TACC2: variants seen among roughly 807,000 people sequenced by gnomAD.
TACC2 encodes the protein transforming acidic coiled-coil containing protein 2.
A neutral mutation model predicts 227.3 loss-of-function variants in TACC2; 137 were observed. That is an observed-to-expected ratio of 0.60 (90% confidence interval 0.52 to 0.69). TACC2 has a LOEUF of 0.69. Ranked by LOEUF, TACC2 falls within the 30% of genes least tolerant of loss-of-function variation. The probability of loss-of-function intolerance (pLI) is 0.00; values close to 1 mark genes in which losing one functional copy is unlikely to be tolerated. For missense variants in TACC2, 3,470 were observed against 3,694.4 expected (o/e 0.94, Z 1.57); for synonymous variants, 1,523 against 1,487.5 (o/e 1.02, Z -0.55).
At chr10:122,100,893 G>C (rs1357711172) in intron 5 of TACC2, among the ~76,000 whole-genome samples, 1 of 152,144 alleles carries the variant, frequency 6.6e-6, no homozygotes, top group Non-Finnish European at 1.5e-5. Flanking sequence ...CCCTCTGCCT[G>C]CCTTGCCCCT....
chr10:122,178,151 C>T (rs550416101), intron 7 of TACC2, among the ~76,000 whole-genome samples: 1 of 152,064 alleles, frequency 6.6e-6, no homozygotes, highest in East Asian at 1.9e-4. Context: ...CTTTCTGGCT[C>T]ATAGCACCTT....
chr10:122,241,742 A>T, intron 18 of TACC2: 3 of 585,004 alleles, frequency 5.1e-6, no homozygotes, highest in South Asian at 2.1e-5. Flanking sequence ...TTTTTTTCTT[A>T]GTGGGCAGTG....
At chr10:121,992,896 A>G (rs149142814) in intron 1 of TACC2, among the ~76,000 whole-genome samples, 3,466 of 151,982 alleles carry the variant, frequency 0.023, 72 homozygotes, top group Non-Finnish European at 0.033. Context: ...CAGAGGTTGC[A>G]GTGAGCCAAG....
intron 5 of TACC2, among the ~76,000 whole-genome samples, chr10:122,093,656 G>T (rs1280249260): frequency 6.6e-6 from 1 of 152,112 alleles, no homozygotes; most frequent in African/African-American, 2.4e-5. Flanking sequence ...CCTCTTATTG[G>T]CTTCGTTACC....
chr10:122,126,316 C>CTCTGTGTGTG (rs139974922), intron 5 of TACC2, among the ~76,000 whole-genome samples: 2 of 142,018 alleles, frequency 1.4e-5, no homozygotes, highest in African/African-American at 5.0e-5. Context: ...TAATCCAGAA[C>CTCTGTGTGTG]TGTGTGTGTG....
chr10:122,192,929 ATTC>A (rs1356513368), intron 7 of TACC2: 104 of 363,390 alleles, frequency 2.9e-4, no homozygotes, highest in Admixed American at 2.7e-3. Context: ...CTGAACTCTC[ATTC>A]TTCTTTGCTC....
At chr10:121,992,867 AT>A in intron 1 of TACC2, among the ~76,000 whole-genome samples, 1 of 152,114 alleles carries the variant, frequency 6.6e-6, no homozygotes, top group South Asian at 2.1e-4. Flanking sequence ...AGGCAGGAGA[AT>A]TGCTAGAACC....
chr10:122,164,870 G>A (rs959834821), intron 7 of TACC2, among the ~76,000 whole-genome samples: 12 of 152,138 alleles, frequency 7.9e-5, no homozygotes, highest in Non-Finnish European at 1.6e-4. Flanking sequence ...GTAGTAAAGT[G>A]GGTTCTTAAG....
At chr10:122,157,932 A>AT (rs893056559) in intron 7 of TACC2, among the ~76,000 whole-genome samples, 26 of 150,596 alleles carry the variant, frequency 1.7e-4, no homozygotes, top group Admixed American at 6.6e-4. Flanking sequence ...TGTGTTACTG[A>AT]TTTTTTTTTT....
At chr10:122,178,131 C>T (rs567150142) in intron 7 of TACC2, among the ~76,000 whole-genome samples, 14 of 151,968 alleles carry the variant, frequency 9.2e-5, no homozygotes, top group South Asian at 2.1e-4. Flanking sequence ...TGGCTTATGG[C>T]GAAAGCCTGC....
rs76756104 is a variant in TACC2, at chr10:122,205,117, G to A, written c.5972-5280G>A. Reference sequence around the variant, plus strand: ...TCTTCATCACTAAGTGAGTTAGCACGGTCAGTAACTGTCCCCACAGTGCCT... The same window carrying A: ...TCTTCATCACTAAGTGAGTTAGCACAGTCAGTAACTGTCCCCACAGTGCCT... On this transcript the variant is annotated intron_variant, in intron 8 of 22. Coordinates refer to ENST00000369005, the MANE Select transcript of TACC2 (RefSeq NM_206862.4). The surrounding 1 kb of genome is among the most constrained non-coding windows in gnomAD (Gnocchi z 4.5). Among the ~76,000 whole-genome samples, 9,282 of 152,266 alleles carry A rather than the reference G, an allele frequency of 0.061. 827 individuals carry two copies. Among genetic ancestry groups the A allele is most frequent in the African/African-American group, 0.19 (8,051 of 41,516 alleles).
chr10:122,103,488 G>A lies in TACC2; in HGVS notation c.5573+14897G>A, dbSNP rs534059852. On this transcript the variant is annotated intron_variant, in intron 5 of 22. Transcript: ENST00000369005. ...TTTGTGACCAGTGCTCACAAATGGT[G>A]CATAATATTATTGTGGTTATTTTAG... 4.6e-5 allele frequency among the ~76,000 whole-genome samples: 7 copies of A among 152,342 alleles called. No individual in the cohort carries two copies. In the South Asian group the frequency reaches 8.3e-4, roughly 18 times the overall value.
intron 8 of TACC2, among the ~76,000 whole-genome samples, chr10:122,202,548 CT>C (rs1269607735): frequency 6.8e-6 from 1 of 147,524 alleles, no homozygotes; most frequent in African/African-American, 2.5e-5. Context: ...CCTAAAATCC[CT>C]GTCTTCCTCT....
intron 22 of TACC2, 77 bp downstream of exon 22, chr10:122,249,741 G>A (rs1326249573): frequency 4.6e-6 from 7 of 1,509,802 alleles, no homozygotes; most frequent in Non-Finnish European, 6.3e-6. Flanking sequence ...AGCTAGACAG[G>A]CTGGGCTTCC....
intron 19 of TACC2, chr10:122,245,103 C>T (rs1011533824): frequency 6.6e-5 from 10 of 152,362 alleles, no homozygotes; most frequent in Middle Eastern, 3.4e-3. Context: ...CCTAATTTGA[C>T]ACCTGCCCAT....
chr10:122,173,413 C>T (rs1243156704), intron 7 of TACC2, among the ~76,000 whole-genome samples: 1 of 152,234 alleles, frequency 6.6e-6, no homozygotes, highest in Non-Finnish European at 1.5e-5. Flanking sequence ...TGGGCTTTGG[C>T]TTGGCCCACG....
intron 7 of TACC2, among the ~76,000 whole-genome samples, chr10:122,187,404 C>T (rs1337319353): frequency 6.6e-6 from 1 of 152,222 alleles, no homozygotes; most frequent in Admixed American, 6.5e-5. Context: ...GGTCTCTTTC[C>T]TGTCCAGCTC....
chr10:122,240,668 G>A lies in TACC2; in HGVS notation c.8349-1290G>A, dbSNP rs923501664. Among the ~76,000 whole-genome samples, 3 of 152,188 alleles carry A rather than the reference G, an allele frequency of 2.0e-5. No individual in the cohort carries two copies. In the East Asian group the frequency reaches 5.8e-4, roughly 29 times the overall value. ...ATCCCAGGCCTCCTGACCGGGGTGGGGGTCTCTATGGTTTTCTGTCATTAG... is the reference window on the plus strand; with the variant it reads ...ATCCCAGGCCTCCTGACCGGGGTGGAGGTCTCTATGGTTTTCTGTCATTAG... On this transcript the variant is annotated intron_variant, in intron 18 of 22. Coordinates refer to ENST00000369005, the MANE Select transcript of TACC2 (RefSeq NM_206862.4).
intron 22 of TACC2, among the ~76,000 whole-genome samples, chr10:122,252,332 C>A (rs765952745): frequency 6.6e-6 from 1 of 152,244 alleles, no homozygotes; most frequent in African/African-American, 2.4e-5. Flanking sequence ...GAGGATAATA[C>A]TGGCTTCCTT....
Sources: allele counts gnomAD v4.1 joint callset (sites outside exome capture counted in the v4.1 genomes callset), GRCh38; gene constraint gnomAD v4.1.1; non-coding constraint Gnocchi (gnomAD v3.1); transcripts MANE v1.5; gene names NCBI Gene and HGNC (gene_info 2026-07-23, HGNC 2026-07-21).